The following MATCAP2 variants were observed in gnomAD, a reference collection of about 807,000 sequenced individuals.
MATCAP2 encodes the protein putative tyrosine carboxypeptidase MATCAP2.
the MATCAP2 span, among the ~76,000 whole-genome samples, chr7:36,374,504 A>G: frequency 1.3e-5 from 2 of 152,160 alleles, no homozygotes; most frequent in African/African-American, 2.4e-5. Flanking sequence ...CAAGATTCAA[A>G]AACCCCTAAG....
chr7:36,357,573 C>T, the MATCAP2 span: 2 of 1,611,470 alleles, frequency 1.2e-6, no homozygotes, highest in Non-Finnish European at 1.7e-6. Context: ...AGTTCTTGCT[C>T]AGGCCAGTGA....
chr7:36,366,974 G>T, the MATCAP2 span: 1 of 1,340,982 alleles, frequency 7.5e-7, no homozygotes, highest in African/African-American at 1.5e-5. Flanking sequence ...CGGGCTCCGC[G>T]GGCTCAGGGG....
the MATCAP2 span, among the ~76,000 whole-genome samples, chr7:36,359,613 G>C: frequency 6.6e-6 from 1 of 152,220 alleles, no homozygotes; most frequent in Non-Finnish European, 1.5e-5. Flanking sequence ...ATAGGAGCTA[G>C]ATCACATAGG....
At chr7:36,352,657 T>C in the MATCAP2 span, among the ~76,000 whole-genome samples, 1 of 151,366 alleles carries the variant, frequency 6.6e-6, no homozygotes, top group Admixed American at 6.6e-5. Context: ...TGAGGTGAAA[T>C]GTCGTCTTTA....
chr7:36,366,823 G>C, the MATCAP2 span: 2 of 1,520,286 alleles, frequency 1.3e-6, no homozygotes, highest in Admixed American at 2.1e-5. Context: ...CGAGCGGCGC[G>C]CCCAGCCGGT....
At chr7:36,382,530 T>C in the MATCAP2 span, among the ~76,000 whole-genome samples, 1 of 152,084 alleles carries the variant, frequency 6.6e-6, no homozygotes, top group East Asian at 1.9e-4. Context: ...TCTCGCCTTG[T>C]TGTCCAGGCA....
chr7:36,340,408 G>A, the MATCAP2 span, among the ~76,000 whole-genome samples: 1 of 152,178 alleles, frequency 6.6e-6, no homozygotes, highest in Non-Finnish European at 1.5e-5. Flanking sequence ...TTTCTTTGCT[G>A]AGGGAATGCA....
chr7:36,378,142 G>T, the MATCAP2 span, among the ~76,000 whole-genome samples: 1 of 152,268 alleles, frequency 6.6e-6, no homozygotes, highest in African/African-American at 2.4e-5. Flanking sequence ...ACTTTGTTCC[G>T]TTGCTGGCGA....
the MATCAP2 span, among the ~76,000 whole-genome samples, chr7:36,344,521 T>C: frequency 1.3e-5 from 2 of 152,346 alleles, no homozygotes; most frequent in African/African-American, 4.8e-5. Flanking sequence ...TAAGTTTTTA[T>C]ACTGAATATA....
the MATCAP2 span, among the ~76,000 whole-genome samples, chr7:36,379,249 G>A: frequency 6.6e-6 from 1 of 152,162 alleles, no homozygotes; most frequent in Admixed American, 6.5e-5. Flanking sequence ...CCCACTACCT[G>A]GATGGAATTT....
the MATCAP2 span, chr7:36,390,283 C>A: frequency 1.6e-6 from 1 of 607,184 alleles, no homozygotes; most frequent in Non-Finnish European, 2.8e-6. Context: ...TGAGTCTGTC[C>A]TAAAAGGCTG....
chr7:36,351,260 G>C, the MATCAP2 span, among the ~76,000 whole-genome samples: 2 of 152,148 alleles, frequency 1.3e-5, no homozygotes, highest in African/African-American at 4.8e-5. Context: ...GCTGGGCATG[G>C]TAGCCCGTGC....
the MATCAP2 span, among the ~76,000 whole-genome samples, chr7:36,376,252 A>T: frequency 6.6e-6 from 1 of 152,168 alleles, no homozygotes; most frequent in African/African-American, 2.4e-5. Context: ...CCCTCTACAC[A>T]CTGCTTTAAA....
At chr7:36,360,767 A>C in the MATCAP2 span, among the ~76,000 whole-genome samples, 2 of 152,228 alleles carry the variant, frequency 1.3e-5, no homozygotes, top group Non-Finnish European at 2.9e-5. Flanking sequence ...AGAGGCCGAT[A>C]ACATTTGACA....
chr7:36,348,322 A>G, the MATCAP2 span, among the ~76,000 whole-genome samples: 2 of 152,210 alleles, frequency 1.3e-5, no homozygotes, highest in Non-Finnish European at 2.9e-5. Context: ...TGTAGCCACA[A>G]ACTAATGGGA....
the MATCAP2 span, among the ~76,000 whole-genome samples, chr7:36,378,684 G>A: frequency 0.021 from 3,124 of 152,262 alleles, 51 homozygotes; most frequent in Middle Eastern, 0.051. Context: ...CCTTTTGTTC[G>A]GCTCTGCCCT....
At chr7:36,360,745 T>TTA in the MATCAP2 span, among the ~76,000 whole-genome samples, 2 of 152,180 alleles carry the variant, frequency 1.3e-5, no homozygotes, top group Non-Finnish European at 2.9e-5. Context: ...TTGAACATGG[T>TTA]TAAGAACACT....
chr7:36,352,764 T>A, the MATCAP2 span, among the ~76,000 whole-genome samples: 1 of 149,978 alleles, frequency 6.7e-6, no homozygotes, highest in African/African-American at 2.5e-5. Flanking sequence ...CCTGGGAGGC[T>A]GAGGCTGCAG....
At chr7:36,328,731 T>A in the MATCAP2 span, among the ~76,000 whole-genome samples, 1 of 144,338 alleles carries the variant, frequency 6.9e-6, no homozygotes, top group East Asian at 2.1e-4. Context: ...GGCGACAGAG[T>A]AAGACTCCAT....
Sources: gnomAD v4.1 joint callset for allele counts (sites outside exome capture counted in the v4.1 genomes callset) on GRCh38, gnomAD v4.1.1 for gene constraint, MANE v1.5 for transcripts, NCBI Gene and HGNC (gene_info 2026-07-23, HGNC 2026-07-21) for gene names.